RAB28: variants seen among roughly 807,000 people sequenced by gnomAD.
RAB28 encodes the protein ras-related protein Rab-28.
RAB28 carries 24 observed loss-of-function variants against 31.7 expected under a neutral mutation model. The ratio of observed to expected loss-of-function variants is 0.76; its 90% CI spans 0.55 to 1.06. The LOEUF is 1.06. Among genes scored for constraint, RAB28 ranks in the 50% least tolerant of loss-of-function variants. The probability of loss-of-function intolerance (pLI) is 0.00; values close to 1 mark genes in which losing one functional copy is unlikely to be tolerated. For missense variants in RAB28, 254 were observed against 258.5 expected, an observed-to-expected ratio of 0.98 and a Z score of 0.12; for synonymous variants, 100 against 90.4, an observed-to-expected ratio of 1.11 and a Z score of -0.60.
intron 4 of RAB28, among the ~76,000 whole-genome samples, chr4:13,438,199 T>C (rs566442863): frequency 6.6e-6 from 1 of 152,330 alleles, no homozygotes; most frequent in African/African-American, 2.4e-5. Context: ...CAAAACACTT[T>C]ATATCACCCT....
intron 4 of RAB28, among the ~76,000 whole-genome samples, chr4:13,404,714 G>C (rs1413860107): frequency 6.6e-6 from 1 of 152,052 alleles, no homozygotes; most frequent in East Asian, 1.9e-4. Flanking sequence ...ATATATAAAT[G>C]GCAGTGGTAG....
intron 4 of RAB28, among the ~76,000 whole-genome samples, chr4:13,394,098 G>A (rs150979311): frequency 2.0e-3 from 301 of 152,192 alleles, no homozygotes; most frequent in African/African-American, 6.9e-3. Context: ...AAGTGGAGGA[G>A]GCGACCAGAT....
chr4:13,391,876 C>A lies in RAB28; in HGVS notation c.392-10282G>T, dbSNP rs1043287936. ...ACAATGAGAACACTTGGACACGGGG[C>A]GGGGAACATCACACACCGGGGCCTG... On this transcript the variant is annotated intron_variant, in intron 4 of 6. Transcript: ENST00000330852. 3.5e-5 allele frequency among the ~76,000 whole-genome samples: 5 copies of A among 142,944 alleles called. No individual in the cohort carries two copies. The East Asian group carries it at 8.6e-4, about 25-fold the overall frequency. The allele number at this position is 142,944 out of a possible 152,430, so 93.8% of individuals were successfully genotyped here.
intron 4 of RAB28, among the ~76,000 whole-genome samples, chr4:13,404,990 C>A (rs1360896212): frequency 1.3e-5 from 2 of 148,372 alleles, no homozygotes; most frequent in African/African-American, 2.5e-5. Context: ...ATTTAATAAT[C>A]ACTCCTAAAG....
At chr4:13,405,186 T>C (rs1220079999) in intron 4 of RAB28, among the ~76,000 whole-genome samples, 2 of 152,170 alleles carry the variant, frequency 1.3e-5, no homozygotes, top group African/African-American at 4.8e-5. Context: ...TCTAAGAATA[T>C]CTGATTTAAA....
chr4:13,446,201 C>T (rs1714685811), intron 4 of RAB28, among the ~76,000 whole-genome samples: 1 of 152,174 alleles, frequency 6.6e-6, no homozygotes, highest in South Asian at 2.1e-4. Context: ...ACAGTAATGG[C>T]GGTAGCCCCT....
intron 6 of RAB28, among the ~76,000 whole-genome samples, chr4:13,369,103 G>C (rs1221218475): frequency 1.3e-5 from 2 of 152,076 alleles, no homozygotes; most frequent in Non-Finnish European, 2.9e-5. Flanking sequence ...ACAGCAGTTT[G>C]TGAGTTTGGA....
rs766239151 is a variant in RAB28 at position 13,367,842 on chromosome 4, G to A, written c.*716C>T. The A allele has an allele frequency of 2.4e-5, 24 of 984,744 alleles. No individual in the cohort carries two copies. Among genetic ancestry groups the A allele is most frequent in the Middle Eastern group, 5.2e-4 (1 of 1,914 alleles). 61.0% of individuals were successfully genotyped at this position (984,744 alleles called of 1,614,324 possible). On this transcript the variant is annotated 3_prime_UTR_variant, in exon 7 of 7. Transcript: ENST00000330852. ...ATGCAGTTTGCAAGAGAAATTCCAC[G>A]TGGAGCATCAGCTGAACATTTATCA...
intron 4 of RAB28, among the ~76,000 whole-genome samples, chr4:13,453,616 G>A (rs1440472202): frequency 2.0e-5 from 3 of 151,894 alleles, no homozygotes; most frequent in African/African-American, 7.2e-5. Context: ...ATTCTTGGCT[G>A]ACGGGTTTTT....
chr4:13,378,702 T>C (rs1406396660), intron 5 of RAB28, among the ~76,000 whole-genome samples: 2 of 152,166 alleles, frequency 1.3e-5, no homozygotes, highest in Non-Finnish European at 2.9e-5. Context: ...AATGGAGAAG[T>C]TGGCCCTAGC....
intron 4 of RAB28, among the ~76,000 whole-genome samples, chr4:13,421,861 A>G (rs1177714716): frequency 6.6e-6 from 1 of 152,182 alleles, no homozygotes; most frequent in Non-Finnish European, 1.5e-5. Flanking sequence ...CGTGACTAAA[A>G]CACCAAAAGC....
intron 3 of RAB28, among the ~76,000 whole-genome samples, chr4:13,464,111 C>A (rs1045803326): frequency 6.6e-6 from 1 of 152,054 alleles, no homozygotes; most frequent in Non-Finnish European, 1.5e-5. Flanking sequence ...TTTTGACGAA[C>A]TGCTGGAGGC....
At chr4:13,409,361 A>G (rs1208683292) in intron 4 of RAB28, among the ~76,000 whole-genome samples, 1 of 152,228 alleles carries the variant, frequency 6.6e-6, no homozygotes, top group Non-Finnish European at 1.5e-5. Context: ...AATACATTAT[A>G]TGTCTATAGC....
intron 4 of RAB28, among the ~76,000 whole-genome samples, chr4:13,428,945 T>C (rs1713660037): frequency 2.5e-5 from 2 of 81,266 alleles, no homozygotes; most frequent in South Asian, 3.2e-4. Context: ...CTAATTTCAC[T>C]TTTTTTTTTT....
intron 6 of RAB28, chr4:13,371,731 G>C (rs1360030346): frequency 8.4e-6 from 13 of 1,541,922 alleles, no homozygotes; most frequent in Non-Finnish European, 9.6e-6. Context: ...TTTCACTGTA[G>C]TCAGCTTATT....
intron 5 of RAB28, among the ~76,000 whole-genome samples, chr4:13,379,433 C>T (rs933582371): frequency 4.0e-5 from 6 of 151,704 alleles, no homozygotes; most frequent in Non-Finnish European, 5.9e-5. Context: ...TTTAGCCAAG[C>T]GGATCTGACA....
At chr4:13,393,907 A>T (rs1294941263) in intron 4 of RAB28, among the ~76,000 whole-genome samples, 1 of 152,102 alleles carries the variant, frequency 6.6e-6, no homozygotes, top group Non-Finnish European at 1.5e-5. Flanking sequence ...GAAGTAAAAC[A>T]ATACTTCAAA....
chr4:13,464,488 T>A (rs1168232762), intron 3 of RAB28, among the ~76,000 whole-genome samples: 1 of 152,028 alleles, frequency 6.6e-6, no homozygotes, highest in Non-Finnish European at 1.5e-5. Flanking sequence ...ACAAGCCCAC[T>A]AAAGACTAAA....
chr4:13,430,590 C>T (rs1017222896), intron 4 of RAB28, among the ~76,000 whole-genome samples: 26 of 152,142 alleles, frequency 1.7e-4, no homozygotes, highest in African/African-American at 6.3e-4. Flanking sequence ...ACAGATGTGC[C>T]CACATTCCCT....
Sources: gnomAD v4.1 joint callset for allele counts (sites outside exome capture counted in the v4.1 genomes callset) on GRCh38, gnomAD v4.1.1 for gene constraint, MANE v1.5 for transcripts, NCBI Gene and HGNC (gene_info 2026-07-23, HGNC 2026-07-21) for gene names.